The following PIAS4 variants were observed in gnomAD, a reference collection of about 807,000 sequenced individuals.
PIAS4 encodes the protein E3 SUMO-protein ligase PIAS4.
Under a neutral mutation model 58.0 loss-of-function variants are expected in PIAS4, and 7 were observed. The observed-to-expected ratio is 0.12, with a 90% CI of 0.07 to 0.23. The LOEUF (loss-of-function observed/expected upper bound fraction) is 0.23. Ranked by LOEUF, PIAS4 falls within the 10% of genes least tolerant of loss-of-function variation. PIAS4 has a pLI of 1.00. For synonymous variants in PIAS4, 364 were observed against 312.4 expected, an observed-to-expected ratio of 1.17 and a Z score of -1.74; for missense variants, 550 against 709.5, an observed-to-expected ratio of 0.78 and a Z score of 2.55.
chr19:4,021,742 CTTT>C (rs776416490), intron 2 of PIAS4, among the ~76,000 whole-genome samples: 1 of 104,076 alleles, frequency 9.6e-6, no homozygotes, highest in Non-Finnish European at 2.0e-5. Flanking sequence ...TTTTCTTTTT[CTTT>C]TTTTTTTTTT....
intron 1 of PIAS4, among the ~76,000 whole-genome samples, 176 bp downstream of exon 1, chr19:4,007,963 G>C (rs1392670186): frequency 6.6e-6 from 1 of 151,324 alleles, no homozygotes; most frequent in Non-Finnish European, 1.5e-5. Context: ...GGGGCGGGGA[G>C]GCCGGGGGCG....
chr19:4,021,065 C>T (rs933229023), intron 2 of PIAS4, among the ~76,000 whole-genome samples: 10 of 152,150 alleles, frequency 6.6e-5, no homozygotes, highest in Non-Finnish European at 1.5e-5. Flanking sequence ...GTTCTGATTG[C>T]TCTACACCTT....
chr19:4,027,733 G>C (rs1443708954), intron 3 of PIAS4, among the ~76,000 whole-genome samples: 2 of 151,922 alleles, frequency 1.3e-5, no homozygotes, highest in Non-Finnish European at 2.9e-5. Context: ...GTAATTTTTT[G>C]TGGAGACAGT....
At chr19:4,033,391 G>T (rs1438223290) in intron 8 of PIAS4, 29 bp from the exon 9 acceptor site, 5 of 1,539,578 alleles carry the variant, frequency 3.2e-6, no homozygotes, top group Non-Finnish European at 4.4e-6. Context: ...CAGGAGGGGT[G>T]CCCTGCTCAC....
At chr19:4,031,043 C>T (rs996412390) in intron 7 of PIAS4, among the ~76,000 whole-genome samples, 2 of 152,192 alleles carry the variant, frequency 1.3e-5, no homozygotes, top group Non-Finnish European at 2.9e-5. Flanking sequence ...TGGGCACCAC[C>T]CCAGCCCCTT....
intron 1 of PIAS4, among the ~76,000 whole-genome samples, chr19:4,009,438 G>A (rs991329785): frequency 1.1e-4 from 17 of 152,048 alleles, no homozygotes; most frequent in Non-Finnish European, 1.8e-4. Flanking sequence ...CTCCCGTTTC[G>A]GGGCTTGGAG....
At chr19:4,009,629 A>T (rs1051044090) in intron 1 of PIAS4, among the ~76,000 whole-genome samples, 1 of 151,146 alleles carries the variant, frequency 6.6e-6, no homozygotes, top group African/African-American at 2.4e-5. Context: ...GTGAGCCTCC[A>T]TTCAAGGGGG....
At chr19:4,015,469 CCT>C (rs1247158725) in intron 2 of PIAS4, among the ~76,000 whole-genome samples, 1 of 152,178 alleles carries the variant, frequency 6.6e-6, no homozygotes, top group Non-Finnish European at 1.5e-5. Flanking sequence ...CCCCACCCTG[CCT>C]CTCTCTCCCA....
At chr19:4,033,809 G>T (rs1335104559) in intron 9 of PIAS4, among the ~76,000 whole-genome samples, 1 of 152,232 alleles carries the variant, frequency 6.6e-6, no homozygotes, top group Non-Finnish European at 1.5e-5. Context: ...GGTTGCAGAA[G>T]GTGGGCTCCG....
At chr19:4,014,248 T>C (rs1489945704) in intron 2 of PIAS4, among the ~76,000 whole-genome samples, 1 of 152,148 alleles carries the variant, frequency 6.6e-6, no homozygotes, top group Non-Finnish European at 1.5e-5. Context: ...GAGCAGGAAC[T>C]GTGTGTCAGG....
Position 4,037,198 on chromosome 19 carries a change from G to A in PIAS4, c.1143-176G>A, listed in dbSNP as rs1056152194. ...TGCCTGGGGCTCAGCACCTGCAGGG[G>A]CCTGAGGGCGGGGGAGGGAATGCGG... On this transcript the variant is annotated intron_variant, in intron 9 of 10. Transcript: ENST00000262971. The surrounding 1 kb of genome is among the most constrained non-coding windows in gnomAD (Gnocchi z 5.8). Among the ~76,000 whole-genome samples, 3 of 152,210 alleles carry A rather than the reference G, an allele frequency of 2.0e-5. No individual in the cohort carries two copies. Among genetic ancestry groups the A allele is most frequent in the African/African-American group, 7.2e-5 (3 of 41,450 alleles).
At chr19:4,032,099 C>T (rs1283461151) in intron 7 of PIAS4, among the ~76,000 whole-genome samples, 1 of 151,936 alleles carries the variant, frequency 6.6e-6, no homozygotes, top group African/African-American at 2.4e-5. Flanking sequence ...GGGTGGGGGT[C>T]AGGAAGGAGG....
chr19:4,014,986 C>A (rs2040037221), intron 2 of PIAS4, among the ~76,000 whole-genome samples: 1 of 152,214 alleles, frequency 6.6e-6, no homozygotes, highest in Non-Finnish European at 1.5e-5. Context: ...TCCCTCCAGC[C>A]TGAGGCTCCG....
chr19:4,031,811 G>A (rs189366233), intron 7 of PIAS4, among the ~76,000 whole-genome samples: 1 of 152,296 alleles, frequency 6.6e-6, no homozygotes, highest in Admixed American at 6.5e-5. Flanking sequence ...AACCCTTCCT[G>A]CTGCGCACGT....
At chr19:4,029,155 C>A in intron 7 of PIAS4, 119 bp downstream of exon 7, 1 of 703,618 alleles carries the variant, frequency 1.4e-6, no homozygotes, top group Non-Finnish European at 2.4e-6. Flanking sequence ...CCGCCTGTCA[C>A]TCTGGGGGTC....
chr19:4,027,426 A>G (rs1196463335), intron 3 of PIAS4, among the ~76,000 whole-genome samples: 2 of 152,118 alleles, frequency 1.3e-5, no homozygotes, highest in Non-Finnish European at 2.9e-5. Context: ...ACGGAAGGAC[A>G]CTCAGGATGC....
At chr19:4,034,151 C>G (rs550338642) in intron 9 of PIAS4, among the ~76,000 whole-genome samples, 1 of 152,352 alleles carries the variant, frequency 6.6e-6, no homozygotes, top group African/African-American at 2.4e-5. Context: ...TCTGTGGTGC[C>G]TGATGCGGCT....
At chr19:4,027,602 A>T (rs1165567989) in intron 3 of PIAS4, among the ~76,000 whole-genome samples, 7 of 76,010 alleles carry the variant, frequency 9.2e-5, no homozygotes, top group South Asian at 3.9e-4. Flanking sequence ...TCTCTTTGTT[A>T]CCCAGGCTGG....
At chr19:4,032,060 C>T (rs1037389776) in intron 7 of PIAS4, among the ~76,000 whole-genome samples, 1 of 152,124 alleles carries the variant, frequency 6.6e-6, no homozygotes, top group Non-Finnish European at 1.5e-5. Flanking sequence ...AAGGAAGAGC[C>T]CACTGCTCCA....
Sources: allele counts gnomAD v4.1 joint callset (sites outside exome capture counted in the v4.1 genomes callset), GRCh38; gene constraint gnomAD v4.1.1; non-coding constraint Gnocchi (gnomAD v3.1); transcripts MANE v1.5; gene names NCBI Gene and HGNC (gene_info 2026-07-23, HGNC 2026-07-21).